MYO3B: variants seen among roughly 807,000 people sequenced by gnomAD.
MYO3B encodes myosin IIIB, also known as myosin-IIIb.
MYO3B carries 156 observed loss-of-function variants against 174.6 expected under a neutral mutation model. The ratio of observed to expected loss-of-function variants is 0.89; its 90% CI spans 0.78 to 1.02. MYO3B has a LOEUF of 1.02. Ranked by LOEUF, MYO3B falls within the 50% of genes least tolerant of loss-of-function variation. The probability of loss-of-function intolerance (pLI) is 0.00; values close to 1 mark genes in which losing one functional copy is unlikely to be tolerated. For missense variants in MYO3B, 1,632 were observed against 1,639.4 expected (o/e 1.00, Z 0.08); for synonymous variants, 563 against 569.1 (o/e 0.99, Z 0.15).
chr2:170,321,839 G>T (rs1429997468), intron 7 of MYO3B, among the ~76,000 whole-genome samples: 1 of 152,102 alleles, frequency 6.6e-6, no homozygotes. Flanking sequence ...GAGTAGGCCG[G>T]GTGCAGTGGC....
intron 7 of MYO3B, among the ~76,000 whole-genome samples, chr2:170,245,830 T>C (rs2093183357): frequency 6.6e-6 from 1 of 152,202 alleles, no homozygotes; most frequent in South Asian, 2.1e-4. Flanking sequence ...AAGAATATCC[T>C]GGGAGCTTTA....
At position 170,381,161 on chromosome 2, in the gene MYO3B, A is replaced by AC. The variant is rs202021135; in HGVS notation, c.972-847dup. 9.9e-3 allele frequency among the ~76,000 whole-genome samples: 1,495 copies of AC among 150,266 alleles called. 31 individuals are homozygous for AC. Among genetic ancestry groups the AC allele is most frequent in the African/African-American group, 0.033 (1,334 of 40,842 alleles). On this transcript the variant is annotated intron_variant, in intron 9 of 34. Transcript: ENST00000408978. ...AATAAATAAAATTTTAAAAACAACA[A>AC]CCCCCCCCATCGGACTGAGTAAATA...
At position 170,619,765 on chromosome 2, in the gene MYO3B, G is replaced by A. The variant is rs1319757081; in HGVS notation, c.3734-31863G>A. ...TTTTTTTTTTTTTTTTTTTTTTTTT[G>A]AGACAGAGTCTCGTTCTGTTGCCCA... On this transcript the variant is annotated intron_variant, in intron 32 of 34. Coordinates refer to ENST00000408978, the MANE Select transcript of MYO3B (RefSeq NM_138995.5). Among the ~76,000 whole-genome samples, 3 of 2,638 alleles carry A rather than the reference G, an allele frequency of 1.1e-3. 1 individual carries two copies. Among genetic ancestry groups the A allele is most frequent in the Non-Finnish European group, 5.7e-3 (3 of 524 alleles). The allele number at this position is 2,638 out of a possible 152,430, so 1.7% of individuals were successfully genotyped here.
intron 8 of MYO3B, among the ~76,000 whole-genome samples, chr2:170,339,666 C>A (rs1416544763): frequency 4.6e-5 from 7 of 152,142 alleles, no homozygotes; most frequent in African/African-American, 1.7e-4. Context: ...TTTAAAACAT[C>A]TAAAAGTCTG....
chr2:170,428,508 C>CT (rs1558991858), intron 22 of MYO3B, among the ~76,000 whole-genome samples: 1 of 152,208 alleles, frequency 6.6e-6, no homozygotes, highest in Non-Finnish European at 1.5e-5. Flanking sequence ...AGTTATTGCA[C>CT]TTACGTGTTT....
chr2:170,213,987 A>G (rs1226687389), intron 3 of MYO3B, among the ~76,000 whole-genome samples: 1 of 152,232 alleles, frequency 6.6e-6, no homozygotes, highest in Admixed American at 6.5e-5. Context: ...AATGCACATT[A>G]AAAACATAGA....
intron 3 of MYO3B, 112 bp from the exon 4 acceptor site, chr2:170,214,267 C>A (rs927515320): frequency 5.3e-6 from 4 of 754,486 alleles, no homozygotes; most frequent in Non-Finnish European, 8.6e-6. Flanking sequence ...GTTTTGTAAT[C>A]TGCAAATTTA....
intron 23 of MYO3B, among the ~76,000 whole-genome samples, chr2:170,453,785 G>A (rs879751653): frequency 2.6e-5 from 4 of 152,180 alleles, no homozygotes; most frequent in Non-Finnish European, 5.9e-5. Flanking sequence ...TAACAAAACA[G>A]ACACTAGTCA....
Position 170,401,703 on chromosome 2 carries a change from G to C in MYO3B, c.2129+12G>C, listed in dbSNP as rs779562675. Reference sequence around the variant, plus strand: ...GACGAAAACATATGGCAAGTTCCTCGGAGAGCAGAGGGTCTCAGGAGAGCT... The same window carrying C: ...GACGAAAACATATGGCAAGTTCCTCCGAGAGCAGAGGGTCTCAGGAGAGCT... On this transcript the variant is annotated intron_variant, in intron 18 of 34. Coordinates refer to ENST00000408978, the MANE Select transcript of MYO3B (RefSeq NM_138995.5). 6 of 1,610,922 alleles carry C rather than the reference G, an allele frequency of 3.7e-6. No individual in the cohort carries two copies. The highest frequency in any genetic ancestry group is 5.1e-6 in the Non-Finnish European group (6 of 1,179,266).
At chr2:170,577,507 A>G (rs1575189677) in intron 32 of MYO3B, among the ~76,000 whole-genome samples, 1 of 152,206 alleles carries the variant, frequency 6.6e-6, no homozygotes, top group East Asian at 1.9e-4. Flanking sequence ...GCTACCTTGC[A>G]CGTGAAATCT....
intron 7 of MYO3B, among the ~76,000 whole-genome samples, chr2:170,279,076 T>C (rs1442167105): frequency 6.6e-6 from 1 of 152,120 alleles, no homozygotes; most frequent in East Asian, 1.9e-4. Context: ...ATCTTTGCTA[T>C]TGTGAATAGA....
At position 170,499,836 on chromosome 2, in the gene MYO3B, G is replaced by A. The variant is rs891491263; in HGVS notation, c.3289+28G>A. On this transcript the variant is annotated intron_variant, in intron 27 of 34. Coordinates refer to ENST00000408978, the MANE Select transcript of MYO3B (RefSeq NM_138995.5). ...AAATGGTCCTGTTCTCATAAATACT[G>A]CCCTGGGTATTGGCATGTCATTAAG... The A allele has an allele frequency of 1.9e-6, 3 of 1,608,872 alleles. No homozygotes were observed. In the Admixed American group the frequency reaches 5.0e-5, roughly 27 times the overall value.
intron 32 of MYO3B, among the ~76,000 whole-genome samples, chr2:170,572,768 C>T (rs1320181392): frequency 6.6e-6 from 1 of 152,152 alleles, no homozygotes; most frequent in Non-Finnish European, 1.5e-5. Context: ...TTTTAACAAA[C>T]ATAAATATCT....
At chr2:170,343,206 G>A (rs1337933252) in intron 8 of MYO3B, among the ~76,000 whole-genome samples, 3 of 152,124 alleles carry the variant, frequency 2.0e-5, no homozygotes, top group African/African-American at 7.2e-5. Flanking sequence ...TTGAGGGGCT[G>A]AGGTGGGAGG....
chr2:170,519,250 G>T (rs1688510826), intron 29 of MYO3B, among the ~76,000 whole-genome samples, 188 bp from the exon 30 acceptor site: 1 of 152,082 alleles, frequency 6.6e-6, no homozygotes. Flanking sequence ...CTGAGACCAA[G>T]CATGGAACAA....
chr2:170,629,898 T>G (rs1696802305), intron 32 of MYO3B, among the ~76,000 whole-genome samples: 1 of 151,884 alleles, frequency 6.6e-6, no homozygotes. Flanking sequence ...ATGTAATTCC[T>G]CTAATGAACT....
At chr2:170,262,814 G>T (rs2093355254) in intron 7 of MYO3B, among the ~76,000 whole-genome samples, 1 of 152,058 alleles carries the variant, frequency 6.6e-6, no homozygotes, top group Admixed American at 6.6e-5. Context: ...TTGTGTATTT[G>T]GTTATCTCTC....
chr2:170,649,365 TATAAAA>T (rs1364419836), intron 32 of MYO3B, among the ~76,000 whole-genome samples: 5 of 105,460 alleles, frequency 4.7e-5, no homozygotes, highest in Non-Finnish European at 7.0e-5. Flanking sequence ...TAATATATTA[TATAAAA>T]ATATAAATAT....
intron 32 of MYO3B, among the ~76,000 whole-genome samples, chr2:170,584,248 T>C (rs1693355608): frequency 6.6e-6 from 1 of 152,252 alleles, no homozygotes; most frequent in Non-Finnish European, 1.5e-5. Flanking sequence ...GAAAAAGTTA[T>C]GAAATTGAAG....
Sources: allele counts gnomAD v4.1 joint callset (sites outside exome capture counted in the v4.1 genomes callset), GRCh38; gene constraint gnomAD v4.1.1; transcripts MANE v1.5; gene names NCBI Gene and HGNC (gene_info 2026-07-23, HGNC 2026-07-21).